The following COL8A1 variants were observed in gnomAD, a reference collection of about 807,000 sequenced individuals.
COL8A1 encodes collagen alpha-1(VIII) chain.
COL8A1 carries 21 observed loss-of-function variants against 42.7 expected under a neutral mutation model. That is an observed-to-expected ratio of 0.49 (90% CI 0.35 to 0.71). The LOEUF (loss-of-function observed/expected upper bound fraction) is 0.71. COL8A1 is among the 30% of genes least tolerant of loss of function. The pLI is 0.01. For missense variants in COL8A1, 788 were observed against 962.4 expected (o/e 0.82, Z 2.40); for synonymous variants, 367 against 369.1 (o/e 0.99, Z 0.06).
chr3:99,668,746 G>GA (rs1177664374), intron 1 of COL8A1, among the ~76,000 whole-genome samples: 2 of 151,942 alleles, frequency 1.3e-5, no homozygotes, highest in African/African-American at 2.4e-5. Flanking sequence ...ATACTGTTCA[G>GA]AAAAAATTTA....
At chr3:99,649,124 TTAAG>T (rs1050653129) in intron 1 of COL8A1, among the ~76,000 whole-genome samples, 3 of 151,992 alleles carry the variant, frequency 2.0e-5, no homozygotes, top group African/African-American at 7.3e-5. Flanking sequence ...AAGATTCAGA[TTAAG>T]TAAGTATCTT....
intron 1 of COL8A1, among the ~76,000 whole-genome samples, chr3:99,672,691 G>T (rs1371137121): frequency 2.6e-5 from 4 of 151,612 alleles, no homozygotes; most frequent in Non-Finnish European, 4.4e-5. Context: ...TTATCTAATA[G>T]AATTCTTCCA....
chr3:99,760,582 C>G (rs2107424676), intron 2 of COL8A1, among the ~76,000 whole-genome samples: 1 of 152,206 alleles, frequency 6.6e-6, no homozygotes, highest in East Asian at 1.9e-4. Context: ...ATTCTATGTC[C>G]ACAACCCAAA....
chr3:99,671,115 G>C (rs1938531082), intron 1 of COL8A1, among the ~76,000 whole-genome samples: 1 of 151,828 alleles, frequency 6.6e-6, no homozygotes, highest in African/African-American at 2.4e-5. Context: ...AAAGAATATG[G>C]AGCATGAACT....
At chr3:99,729,223 A>G (rs1028064129) in intron 1 of COL8A1, among the ~76,000 whole-genome samples, 1 of 152,024 alleles carries the variant, frequency 6.6e-6, no homozygotes, top group Admixed American at 6.6e-5. Context: ...CAACTATGGA[A>G]GCTTCTGTTC....
At chr3:99,687,198 A>T (rs1452189366) in intron 1 of COL8A1, among the ~76,000 whole-genome samples, 1 of 152,204 alleles carries the variant, frequency 6.6e-6, no homozygotes, top group Non-Finnish European at 1.5e-5. Flanking sequence ...CTAGCGGCAG[A>T]CCAACCAATG....
rs1243484626 is a variant in COL8A1, at chr3:99,798,680, ATGTG to A, written c.*2546_*2549del. On this transcript the variant is annotated 3_prime_UTR_variant, in exon 4 of 4. Coordinates refer to ENST00000652472, the MANE Select transcript of COL8A1 (RefSeq NM_020351.4). ...TGTGTATGCGTGCGCATGTGTGTGT[ATGTG>A]TATTATCAGACATAGGTTTCTAACT... 1 of 151,906 alleles carries A rather than the reference ATGTG, an allele frequency of 6.6e-6. No homozygotes were observed. Among genetic ancestry groups the A allele is most frequent in the East Asian group, 1.9e-4 (1 of 5,190 alleles). 9.4% of individuals were successfully genotyped at this position (151,906 alleles called of 1,614,324 possible).
chr3:99,689,081 T>C (rs1332636275), intron 1 of COL8A1, among the ~76,000 whole-genome samples: 4 of 152,198 alleles, frequency 2.6e-5, no homozygotes, highest in Non-Finnish European at 4.4e-5. Context: ...TTTAAGGCAA[T>C]AACTCTTAGA....
chr3:99,773,799 G>C, intron 2 of COL8A1, among the ~76,000 whole-genome samples: 1 of 82,764 alleles, frequency 1.2e-5, no homozygotes, highest in East Asian at 4.6e-4. Context: ...GTAAGTAGAT[G>C]ATTATATATA....
intron 1 of COL8A1, among the ~76,000 whole-genome samples, chr3:99,724,611 C>A (rs1940250477): frequency 6.6e-6 from 1 of 152,088 alleles, no homozygotes; most frequent in Admixed American, 6.6e-5. Context: ...CCCACACAAC[C>A]CCTTCCAACC....
At chr3:99,745,739 A>T (rs1192694445) in intron 2 of COL8A1, among the ~76,000 whole-genome samples, 1 of 152,144 alleles carries the variant, frequency 6.6e-6, no homozygotes, top group Non-Finnish European at 1.5e-5. Flanking sequence ...AAAAAATAAT[A>T]ACAGCATGCC....
At chr3:99,699,564 G>A (rs777013458) in intron 1 of COL8A1, among the ~76,000 whole-genome samples, 16 of 152,178 alleles carry the variant, frequency 1.1e-4, no homozygotes, top group Non-Finnish European at 2.9e-5. Context: ...AATTATCTAA[G>A]AGCTTCAACT....
At chr3:99,714,808 T>G (rs1399358973) in intron 1 of COL8A1, among the ~76,000 whole-genome samples, 3 of 152,052 alleles carry the variant, frequency 2.0e-5, no homozygotes, top group Non-Finnish European at 4.4e-5. Flanking sequence ...ATTTTTCAGA[T>G]GACGAGTGCC....
chr3:99,658,939 T>G (rs1240007435), intron 1 of COL8A1, among the ~76,000 whole-genome samples: 1 of 152,154 alleles, frequency 6.6e-6, no homozygotes, highest in Non-Finnish European at 1.5e-5. Context: ...GCGTCATGAT[T>G]CCACATCCCC....
chr3:99,776,057 T>C (rs184432119), intron 2 of COL8A1, among the ~76,000 whole-genome samples: 68 of 152,330 alleles, frequency 4.5e-4, no homozygotes, highest in African/African-American at 1.6e-3. Context: ...ACCCTACTTA[T>C]ATCACATTGG....
intron 1 of COL8A1, among the ~76,000 whole-genome samples, chr3:99,692,692 G>A (rs749260240): frequency 6.6e-5 from 10 of 152,212 alleles, no homozygotes; most frequent in Non-Finnish European, 1.3e-4. Flanking sequence ...ATATAAAGAC[G>A]TTTTGGTCAA....
intron 1 of COL8A1, chr3:99,692,009 G>C (rs1263146178): frequency 6.6e-6 from 1 of 152,036 alleles, no homozygotes; most frequent in African/African-American, 2.4e-5. Context: ...CGTTATTCCT[G>C]GAGATACTTA....
At chr3:99,735,041 A>C (rs1013316504) in intron 1 of COL8A1, among the ~76,000 whole-genome samples, 258 of 151,702 alleles carry the variant, frequency 1.7e-3, no homozygotes, top group African/African-American at 5.9e-3. Flanking sequence ...CAGCTTAAGG[A>C]GATTTTGGGC....
At chr3:99,653,319 G>A (rs1314728102) in intron 1 of COL8A1, among the ~76,000 whole-genome samples, 2 of 152,142 alleles carry the variant, frequency 1.3e-5, no homozygotes, top group Admixed American at 6.5e-5. Context: ...GTCCTGCTGT[G>A]CATTGGTCAT....
Sources: gnomAD v4.1 joint callset for allele counts (sites outside exome capture counted in the v4.1 genomes callset) on GRCh38, gnomAD v4.1.1 for gene constraint, MANE v1.5 for transcripts, NCBI Gene and HGNC (gene_info 2026-07-23, HGNC 2026-07-21) for gene names.